FH: variants seen among roughly 807,000 people sequenced by gnomAD.
The protein encoded by FH is fumarate hydratase, also known as fumarate hydratase, mitochondrial.
In FH, 22 loss-of-function variants were observed where a neutral mutation model predicts 49.4. That is an observed-to-expected ratio of 0.45 (90% CI 0.32 to 0.64). The LOEUF is 0.64. Among genes scored for constraint, FH ranks in the 30% least tolerant of loss-of-function variants. The pLI is 0.05. For synonymous variants in FH, 208 were observed against 223.0 expected (o/e 0.93, Z 0.60); for missense variants, 526 against 641.5 (o/e 0.82, Z 1.95).
intron 2 of FH, among the ~76,000 whole-genome samples, chr1:241,515,449 T>G (rs536559366): frequency 6.6e-6 from 1 of 152,112 alleles, no homozygotes; most frequent in African/African-American, 2.4e-5. Flanking sequence ...TATTTTAGGA[T>G]TGGTCACTAC....
intron 2 of FH, among the ~76,000 whole-genome samples, chr1:241,514,037 TTA>T (rs747677846): frequency 6.6e-6 from 1 of 152,156 alleles, no homozygotes; most frequent in South Asian, 2.1e-4. Context: ...ACACAATAAA[TTA>T]TATGTGTTTA....
intron 2 of FH, among the ~76,000 whole-genome samples, chr1:241,516,355 C>T (rs992354688): frequency 7.2e-5 from 11 of 152,142 alleles, no homozygotes; most frequent in Admixed American, 1.3e-4. Context: ...ATGTCCTTTG[C>T]AGAGATATGG....
At position 241,508,743 on chromosome 1, in the gene FH, C is replaced by T. The variant is rs767193939; in HGVS notation, c.598G>A (p.Ala200Thr). 1 of 1,613,784 alleles carries T rather than the reference C, an allele frequency of 6.2e-7. No individual in the cohort carries two copies. Among genetic ancestry groups the T allele is most frequent in the Non-Finnish European group, 8.5e-7 (1 of 1,179,754 alleles). The change falls in exon 5 of 10, where the codon GCA becomes ACA. Residue 200 changes from alanine to threonine, a missense_variant. By Grantham distance (58) the Ala-to-Thr change is moderately conservative (BLOSUM62 0). This residue lies in a region of FH where 383 missense variants were observed against 514.0 expected (regional missense o/e 0.75). Coordinates refer to ENST00000366560, the MANE Select transcript of FH (RefSeq NM_000143.4). ...AACAGTACTTCATGAACTTCTATTG[C>T]AGCAGCAATGTGCATTGCTGTGGGA... is the stretch of plus-strand genomic sequence containing the variant. Reference protein sequence around the residue: ...TFPTAMHIAAAIEVHEVLLPG... With the variant: ...TFPTAMHIAATIEVHEVLLPG...
At chr1:241,501,679 A>G (rs1659783823) in intron 8 of FH, among the ~76,000 whole-genome samples, 1 of 152,224 alleles carries the variant, frequency 6.6e-6, no homozygotes, top group African/African-American at 2.4e-5. Context: ...TAAAATTAGA[A>G]TTTAGAAGAG....
chr1:241,501,814 G>C (rs138560160), intron 8 of FH, among the ~76,000 whole-genome samples: 17 of 152,290 alleles, frequency 1.1e-4, no homozygotes, highest in African/African-American at 4.1e-4. Context: ...ATGGCGCGAT[G>C]CATCTATCGA....
chr1:241,518,836 G>A lies in FH; in HGVS notation c.132+755C>T, dbSNP rs114561595. On this transcript the variant is annotated intron_variant, in intron 1 of 9. Transcript: ENST00000366560. ...AGAGCAAAATGACTTACGTAAGCAT[G>A]TCATAACCTGAACTTGGATCTTTAA... is the stretch of plus-strand genomic sequence containing the variant. 4.5e-3 allele frequency among the ~76,000 whole-genome samples: 686 copies of A among 152,312 alleles called. 5 individuals carry two copies. Among genetic ancestry groups the A allele is most frequent in the African/African-American group, 0.016 (650 of 41,568 alleles).
intron 3 of FH, among the ~76,000 whole-genome samples, chr1:241,513,189 G>A (rs1035778786): frequency 1.3e-5 from 2 of 151,912 alleles, no homozygotes; most frequent in Non-Finnish European, 2.9e-5. Context: ...TATATATACA[G>A]TTCTGTTACC....
chr1:241,508,988 T>C (rs1437119208), intron 4 of FH, among the ~76,000 whole-genome samples: 1 of 151,428 alleles, frequency 6.6e-6, no homozygotes, highest in South Asian at 2.1e-4. Flanking sequence ...TACTCAGAAC[T>C]GTATTATACA....
chr1:241,513,854 G>A (rs998527326), intron 2 of FH, 141 bp from the exon 3 acceptor site: 1 of 671,602 alleles, frequency 1.5e-6, no homozygotes, highest in Non-Finnish European at 2.6e-6. Flanking sequence ...TTCGGTTATA[G>A]AGAAAGATTA....
chr1:241,511,321 G>A (rs1303483737), intron 4 of FH, among the ~76,000 whole-genome samples: 5 of 152,150 alleles, frequency 3.3e-5, no homozygotes, highest in East Asian at 3.9e-4. Flanking sequence ...GCCTGACCTC[G>A]GACTTCTAGC....
chr1:241,512,001 G>A lies in FH; in HGVS notation c.521C>T (p.Pro174Leu), dbSNP rs199822819. 1.2e-6 allele frequency: 2 copies of A among 1,613,942 alleles called. No homozygotes were observed. The highest frequency in any genetic ancestry group is 8.5e-7 in the Non-Finnish European group (1 of 1,179,920). The change falls in exon 4 of 10, where the codon CCT (proline) becomes CTT (leucine). Residue 174 changes from proline to leucine, a missense_variant. Coordinates refer to ENST00000366560, the MANE Select transcript of FH (RefSeq NM_000143.4). The part of the protein sequence containing the change: ...MLGGELGSKI[P>L]VHPNDHVNKS... ...ATTAACATGATCGTTGGGATGCACAGGTATCTTGCTGCCAAGTTCACCTCC... is the reference window on the plus strand; with the variant it reads ...ATTAACATGATCGTTGGGATGCACAAGTATCTTGCTGCCAAGTTCACCTCC...
chr1:241,497,607 A>T lies in FH; in HGVS notation c.*221T>A. 2.2e-6 allele frequency: 1 copy of T among 448,644 alleles called. No individual in the cohort carries two copies. Among genetic ancestry groups the T allele is most frequent in the Non-Finnish European group, 3.9e-6 (1 of 257,054 alleles). 27.8% of individuals were successfully genotyped at this position (448,644 alleles called of 1,614,324 possible). The stretch of plus-strand genomic sequence containing the variant: ...GTCAATTAACATAGGAGAAAATTTA[A>T]GTCTGTTTTCCTTTTTATTTTATAA... On this transcript the variant is annotated 3_prime_UTR_variant, in exon 10 of 10. Coordinates refer to ENST00000366560, the MANE Select transcript of FH (RefSeq NM_000143.4).
In FH at chr1:241,497,797, C is replaced by T. The variant is rs200667439; in HGVS notation, c.*31G>A. The T allele has an allele frequency of 9.8e-6, 15 of 1,535,892 alleles. No homozygotes were observed. Among genetic ancestry groups the T allele is most frequent in the Non-Finnish European group, 1.3e-5 (15 of 1,134,894 alleles). On this transcript the variant is annotated 3_prime_UTR_variant, in exon 10 of 10. Coordinates refer to ENST00000366560, the MANE Select transcript of FH (RefSeq NM_000143.4). ...GGAGTCTGTTTTTTTAAATTTTATA[C>T]ATGTTTATTTTCATTATAAATTTAT... is the stretch of plus-strand genomic sequence containing the variant.
At chr1:241,516,354 G>A (rs1660209841) in intron 2 of FH, among the ~76,000 whole-genome samples, 1 of 152,182 alleles carries the variant, frequency 6.6e-6, no homozygotes. Flanking sequence ...CATGTCCTTT[G>A]CAGAGATATG....
At position 241,513,624 on chromosome 1, in the gene FH, T is replaced by G. The variant is rs767209674; in HGVS notation, c.357A>C (p.Ala119=). Residue 119 remains alanine (A), a synonymous_variant, in exon 3 of 10, where the codon GCA becomes GCC. Transcript: ENST00000366560. The part of the protein sequence containing the change: ...DYGLDPKIAN[A]IMKAADEVAE... ...CTACCTCATCTGCTGCCTTCATTAT[T>G]GCATTAGCAATCTTTGGATCAAGAC... The G allele has an allele frequency of 6.2e-7, 1 of 1,613,988 alleles. No homozygotes were observed. Among genetic ancestry groups the G allele is most frequent in the African/African-American group, 1.3e-5 (1 of 75,058 alleles).
chr1:241,510,093 G>A (rs191217865), intron 4 of FH, among the ~76,000 whole-genome samples: 22 of 152,252 alleles, frequency 1.4e-4, no homozygotes, highest in Admixed American at 7.2e-4. Flanking sequence ...ATAAAGGCAA[G>A]TATTAGATTG....
chr1:241,502,640 T>C, intron 7 of FH, 70 bp from the exon 8 acceptor site: 1 of 1,529,918 alleles, frequency 6.5e-7, no homozygotes, highest in Non-Finnish European at 9.1e-7. Context: ...TAAAGAAATC[T>C]AATTTCACTA....
intron 6 of FH, 41 bp downstream of exon 6, chr1:241,505,962 A>C (rs1659917427): frequency 6.3e-7 from 1 of 1,588,278 alleles, no homozygotes; most frequent in African/African-American, 1.3e-5. Context: ...ACCACGTATA[A>C]TGAGAAATGA....
intron 2 of FH, among the ~76,000 whole-genome samples, chr1:241,515,589 G>A (rs1268366986): frequency 6.6e-6 from 1 of 151,936 alleles, no homozygotes; most frequent in Non-Finnish European, 1.5e-5. Flanking sequence ...CCTGTCAAGA[G>A]GCAGTCTTGA....
Sources: gnomAD v4.1 joint callset for allele counts (sites outside exome capture counted in the v4.1 genomes callset) on GRCh38, gnomAD v4.1.1 for gene constraint, gnomAD v4.1.1 regional missense constraint, MANE v1.5 for transcripts, NCBI Gene and HGNC (gene_info 2026-07-23, HGNC 2026-07-21) for gene names.